ZC3H4: variants seen among roughly 807,000 people sequenced by gnomAD.
The protein encoded by ZC3H4 is zinc finger CCCH domain-containing protein 4.
In ZC3H4, 13 loss-of-function variants were observed where a neutral mutation model predicts 108.3. That is an observed-to-expected ratio of 0.12 (90% CI 0.08 to 0.19). The LOEUF is 0.19. Ranked by LOEUF, ZC3H4 falls within the 10% of genes least tolerant of loss-of-function variation. The pLI is 1.00. For synonymous variants in ZC3H4, 917 were observed against 749.6 expected, an observed-to-expected ratio of 1.22 and a Z score of -3.65; for missense variants, 1,734 against 1,838.8, an observed-to-expected ratio of 0.94 and a Z score of 1.04.
rs1230431954 is a variant in ZC3H4 at position 47,071,991 on chromosome 19, G to A, written c.1933C>T (p.His645Tyr). The change falls in exon 13 of 15, where the codon CAC (histidine) becomes TAC (tyrosine). Residue 645 changes from histidine (H) to tyrosine (Y), a missense_variant. By Grantham distance (83) the His-to-Tyr change is moderately conservative. Transcript: ENST00000253048. ...DMHPDMHPDM[H>Y]ADMHADMPMG... ...GGCATGTCTGCGTGCATGTCTGCGT[G>A]CATGTCAGGGTGCATGTCCGGGTGC... The A allele has an allele frequency of 1.2e-6, 2 of 1,604,162 alleles. No individual in the cohort carries two copies. Among genetic ancestry groups the A allele is most frequent in the Admixed American group, 1.7e-5 (1 of 57,590 alleles).
intron 3 of ZC3H4, 47 bp downstream of exon 3, chr19:47,094,342 C>T (rs754957654): frequency 1.9e-6 from 3 of 1,604,958 alleles, no homozygotes; most frequent in Non-Finnish European, 2.6e-6. Flanking sequence ...GGCTCTCAGC[C>T]AGGCCCAATG....
intron 3 of ZC3H4, 40 bp downstream of exon 3, chr19:47,094,349 A>G: frequency 6.2e-7 from 1 of 1,607,734 alleles, no homozygotes; most frequent in Non-Finnish European, 8.5e-7. Flanking sequence ...AGCCAGGCCC[A>G]ATGCCAGGCA....
chr19:47,090,156 G>A lies in ZC3H4; in HGVS notation c.526C>T (p.Pro176Ser). 6 of 1,614,208 alleles carry A rather than the reference G, an allele frequency of 3.7e-6. No homozygotes were observed. Among genetic ancestry groups the A allele is most frequent in the Non-Finnish European group, 5.1e-6 (6 of 1,180,024 alleles). Residue 176 changes from proline (P) to serine (S), a missense_variant, in exon 5 of 15, where the codon CCC (proline) becomes TCC (serine). By Grantham distance (74) the Pro-to-Ser change is moderately conservative. This residue lies in a region of ZC3H4 where 403 missense variants were observed against 457.0 expected (regional missense o/e 0.88). Coordinates refer to ENST00000253048, the MANE Select transcript of ZC3H4 (RefSeq NM_015168.2). ...TTGGAGTATGCCTTCTTGGGCAGGG[G>A]CGTGGCATGCGATGGGGGGTACTGC... ...HQQYPPSHAT[P>S]LPKKAYSKMD...
At position 47,066,192 on chromosome 19, in the gene ZC3H4, A is replaced by G. The variant is rs2057190162; in HGVS notation, c.*164T>C. On this transcript the variant is annotated 3_prime_UTR_variant, in exon 15 of 15. Coordinates refer to ENST00000253048, the MANE Select transcript of ZC3H4 (RefSeq NM_015168.2). ...ATATACAATTTACAAATCTCAAAGAAAGTACTACTTTAAAAAAAAATAAAA... is the reference window on the plus strand; with the variant it reads ...ATATACAATTTACAAATCTCAAAGAGAGTACTACTTTAAAAAAAAATAAAA... 1.8e-6 allele frequency: 1 copy of G among 568,966 alleles called. No individual in the cohort carries two copies. Among genetic ancestry groups the G allele is most frequent in the Non-Finnish European group, 2.9e-6 (1 of 344,950 alleles). The allele number at this position is 568,966 out of a possible 1,614,324, so 35.2% of individuals were successfully genotyped here. A position where few individuals can be genotyped will look rare whatever the true frequency, so the allele number is the denominator to read the frequency against.
chr19:47,099,099 G>C (rs73059395), intron 2 of ZC3H4, among the ~76,000 whole-genome samples: 3,962 of 152,294 alleles, frequency 0.026, 62 homozygotes, highest in Non-Finnish European at 0.036. Context: ...GCTAGCATGA[G>C]GGCATCTCTC....
In ZC3H4 at chr19:47,094,565, C is replaced by T. The variant is rs746158557; in HGVS notation, c.205G>A (p.Ala69Thr). The T allele has an allele frequency of 6.2e-7, 1 of 1,614,192 alleles. No individual in the cohort carries two copies. Among genetic ancestry groups the T allele is most frequent in the Non-Finnish European group, 8.5e-7 (1 of 1,180,020 alleles). Residue 69 changes from alanine to threonine, a missense_variant, in exon 3 of 15, where the codon GCA becomes ACA. Physicochemically the swap from Ala to Thr is moderately conservative, Grantham distance 58. This residue lies in a region of ZC3H4 where 4 missense variants were observed against 17.6 expected (regional missense o/e 0.23). Coordinates refer to ENST00000253048, the MANE Select transcript of ZC3H4 (RefSeq NM_015168.2). Reference sequence around the variant, plus strand: ...CCGGAGGTATCCTGGGTCTCCTCTGCCCCATCATCTTCCAATTCACCTTCT... The same window carrying T: ...CCGGAGGTATCCTGGGTCTCCTCTGTCCCATCATCTTCCAATTCACCTTCT... ...LEEGELEDDG[A>T]EETQDTSGGP...
chr19:47,071,173 T>A (rs1426304415), intron 13 of ZC3H4, among the ~76,000 whole-genome samples: 1 of 152,206 alleles, frequency 6.6e-6, no homozygotes, highest in East Asian at 1.9e-4. Context: ...CTCCTCTATC[T>A]ACACGCTTGC....
chr19:47,102,928 A>G (rs998509063), intron 2 of ZC3H4, among the ~76,000 whole-genome samples: 2 of 152,194 alleles, frequency 1.3e-5, no homozygotes, highest in African/African-American at 4.8e-5. Flanking sequence ...CAAACCACTT[A>G]GGCAGAACAT....
At chr19:47,106,041 C>T (rs1226278569) in intron 2 of ZC3H4, among the ~76,000 whole-genome samples, 4 of 152,194 alleles carry the variant, frequency 2.6e-5, no homozygotes, top group Non-Finnish European at 5.9e-5. Context: ...GTTTTGGTTT[C>T]TCCTCAAACA....
Position 47,084,592 on chromosome 19 carries a change from T to C in ZC3H4, c.1108-137A>G, listed in dbSNP as rs1354680115. 50 of 809,694 alleles carry C rather than the reference T, an allele frequency of 6.2e-5. No individual in the cohort carries two copies. The East Asian group carries it at 1.3e-3, about 21-fold the overall frequency. The allele number at this position is 809,694 out of a possible 1,614,324, so 50.2% of individuals were successfully genotyped here. On this transcript the variant is annotated intron_variant, in intron 8 of 14. Transcript: ENST00000253048. ...CAAGAGCACCGATGGGCAGGCTGCATCTAACACGGAGGCTGCGTGCACCTT... is the reference window on the plus strand; with the variant it reads ...CAAGAGCACCGATGGGCAGGCTGCACCTAACACGGAGGCTGCGTGCACCTT...
rs755732274 is a variant in ZC3H4 at position 47,085,137 on chromosome 19, G to GCCCCGA, written c.1020_1025dup (p.Arg345_Gly346dup). On this transcript the variant is annotated inframe_insertion, in exon 8 of 15. Coordinates refer to ENST00000253048, the MANE Select transcript of ZC3H4 (RefSeq NM_015168.2). The stretch of plus-strand genomic sequence containing the variant: ...CTCCTCGGCTGCCACCTCGGCCTCG[G>GCCCCGA]CCCCGACCCATTCCTTTCCCTCGAC... 1.2e-5 allele frequency: 19 copies of GCCCCGA among 1,613,998 alleles called. No individual in the cohort carries two copies. Among genetic ancestry groups the GCCCCGA allele is most frequent in the Non-Finnish European group, 1.6e-5 (19 of 1,180,010 alleles).
intron 4 of ZC3H4, among the ~76,000 whole-genome samples, chr19:47,093,041 C>T (rs902145012): frequency 6.6e-6 from 1 of 151,614 alleles, no homozygotes; most frequent in East Asian, 1.9e-4. Context: ...ACGGTGAAAT[C>T]CTGTCTCTAC....
At chr19:47,078,195 TTA>T (rs753718110) in intron 11 of ZC3H4, among the ~76,000 whole-genome samples, 32 of 152,328 alleles carry the variant, frequency 2.1e-4, no homozygotes, top group South Asian at 6.2e-4. Context: ...TTTCCTAAAA[TTA>T]TGTTTGGCGA....
chr19:47,107,276 T>C (rs2057979490), intron 2 of ZC3H4, among the ~76,000 whole-genome samples: 1 of 152,198 alleles, frequency 6.6e-6, no homozygotes, highest in African/African-American at 2.4e-5. Context: ...AAAGTTCTGT[T>C]TCAAATTCTT....
Position 47,066,579 on chromosome 19 carries a change from G to A in ZC3H4, c.3689C>T (p.Ala1230Val), listed in dbSNP as rs748653826. The part of the protein sequence containing the change: ...RPRPKAAAAP[A>V]ATTATPPPEG... ...GGGGGGTGGGGTGGCGGTGGTGGCA[G>A]CGGGGGCTGCAGCAGCCTTGGGCCG... Residue 1230 changes from alanine (A) to valine (V), a missense_variant, in exon 15 of 15, where the codon GCT becomes GTT. By Grantham distance (64) the Ala-to-Val change is moderately conservative. Around this residue, in one of 9 missense-constraint regions of ZC3H4, gnomAD observed 518 missense variants for 499.6 expected, o/e 1.04. Coordinates refer to ENST00000253048, the MANE Select transcript of ZC3H4 (RefSeq NM_015168.2). The A allele has an allele frequency of 3.1e-6, 5 of 1,590,784 alleles. No individual in the cohort carries two copies. The highest frequency in any genetic ancestry group is 1.3e-5 in the African/African-American group (1 of 74,668).
At chr19:47,076,811 G>T (rs1007816911) in intron 11 of ZC3H4, among the ~76,000 whole-genome samples, 1 of 152,106 alleles carries the variant, frequency 6.6e-6, no homozygotes, top group African/African-American at 2.4e-5. Flanking sequence ...TGATCAACAT[G>T]GTGAAACCCT....
intron 6 of ZC3H4, among the ~76,000 whole-genome samples, 173 bp downstream of exon 6, chr19:47,086,211 A>G (rs1489933362): frequency 6.6e-6 from 1 of 152,202 alleles, no homozygotes; most frequent in Admixed American, 6.5e-5. Flanking sequence ...TATCTATTCC[A>G]AAATGATAAA....
chr19:47,085,927 G>C (rs1476700877), intron 6 of ZC3H4, among the ~76,000 whole-genome samples: 1 of 152,018 alleles, frequency 6.6e-6, no homozygotes, highest in African/African-American at 2.4e-5. Context: ...GCAGTGGTGC[G>C]ATCTCGGCTC....
chr19:47,112,931 T>C (rs1488158802), intron 1 of ZC3H4, among the ~76,000 whole-genome samples: 2 of 148,984 alleles, frequency 1.3e-5, no homozygotes, highest in East Asian at 4.0e-4. Context: ...CCGCGCGCGA[T>C]GGAGCAAGCG....
Sources: gnomAD v4.1 joint callset for allele counts (sites outside exome capture counted in the v4.1 genomes callset) on GRCh38, gnomAD v4.1.1 for gene constraint, gnomAD v4.1.1 regional missense constraint, MANE v1.5 for transcripts, NCBI Gene and HGNC (gene_info 2026-07-23, HGNC 2026-07-21) for gene names.